The following DNAH1 variants were observed in gnomAD, a reference collection of about 807,000 sequenced individuals.
The protein encoded by DNAH1 is dynein axonemal heavy chain 1, also known as axonemal beta dynein heavy chain 1.
DNAH1 carries 327 observed loss-of-function variants against 484.3 expected under a neutral mutation model. That is an observed-to-expected ratio of 0.68 (90% confidence interval 0.62 to 0.74). The LOEUF (loss-of-function observed/expected upper bound fraction) is 0.74, where lower values mean the gene tolerates loss of function less well. Ranked by LOEUF, DNAH1 falls within the 30% of genes least tolerant of loss-of-function variation. The pLI is 0.00. For synonymous variants in DNAH1, 2,192 were observed against 2,191.9 expected, an observed-to-expected ratio of 1.00 and a Z score of 0.00; for missense variants, 5,052 against 5,546.8, an observed-to-expected ratio of 0.91 and a Z score of 2.83.
At chr3:52,327,446 AG>A (rs1019312184) in intron 5 of DNAH1, among the ~76,000 whole-genome samples, 3 of 152,130 alleles carry the variant, frequency 2.0e-5, no homozygotes, top group Non-Finnish European at 4.4e-5. Context: ...AGTCTAGCTA[AG>A]GGCTACCTCC....
Position 52,347,966 on chromosome 3 carries a change from C to A in DNAH1, c.2098C>A (p.Leu700Met), listed in dbSNP as rs1702214976. 1 of 1,608,798 alleles carries A rather than the reference C, an allele frequency of 6.2e-7. No homozygotes were observed. Residue 700 changes from leucine to methionine, a missense_variant, in exon 12 of 78, where the codon CTG becomes ATG. Around this residue, in one of 4 missense-constraint regions of DNAH1, gnomAD observed 1,263 missense variants for 1,218.8 expected, o/e 1.04. Transcript: ENST00000420323. ...CCTGGCCACCCATGCCGTGCCCCAG[C>A]TGGAGAAGGTACGTGCTGCAGCCTG... The part of the protein sequence containing the change: ...GILATHAVPQ[L>M]EKLVMEDIFI...
chr3:52,366,676 C>A, intron 35 of DNAH1, 57 bp from the exon 36 acceptor site: 1 of 1,580,724 alleles, frequency 6.3e-7, no homozygotes, highest in South Asian at 1.2e-5. Context: ...CCTTGGCCCC[C>A]AGCCCACTCT....
Position 52,383,465 on chromosome 3 carries a change from A to G in DNAH1, c.8021A>G (p.Glu2674Gly). 6.2e-7 allele frequency: 1 copy of G among 1,614,046 alleles called. No homozygotes were observed. Among genetic ancestry groups the G allele is most frequent in the South Asian group, 1.1e-5 (1 of 91,084 alleles). The change falls in exon 51 of 78, where the codon GAG becomes GGG. Residue 2674 changes from glutamate (E) to glycine (G), a missense_variant. Physicochemically the swap from Glu to Gly is moderately conservative, Grantham distance 98. Transcript: ENST00000420323. ...GDIPNLYTADEQDQIVSTMRP... is the reference protein window; with the variant it reads ...GDIPNLYTADGQDQIVSTMRP... ...ATTCCCAATCTGTATACTGCGGACG[A>G]GCAGGACCAGATCGTCAGCACCATG...
At chr3:52,380,403 CCGGGGG>C (rs570772336) in intron 48 of DNAH1, among the ~76,000 whole-genome samples, 41 of 152,218 alleles carry the variant, frequency 2.7e-4, no homozygotes, top group Admixed American at 2.0e-3. Context: ...CCACAAGGGG[CCGGGGG>C]CGGGGCCTGG....
intron 53 of DNAH1, 93 bp from the exon 54 acceptor site, chr3:52,385,244 A>G (rs566887443): frequency 7.6e-7 from 1 of 1,323,150 alleles, no homozygotes; most frequent in East Asian, 2.5e-5. Context: ...TGCCGGCCAC[A>G]GCTTCTCTCT....
rs777943354 is a variant in DNAH1 at position 52,348,965 on chromosome 3, G to T, written c.2184G>T (p.Glu728Asp). 6.2e-7 allele frequency: 1 copy of T among 1,613,486 alleles called. No homozygotes were observed. Among genetic ancestry groups the T allele is most frequent in the Non-Finnish European group, 8.5e-7 (1 of 1,179,894 alleles). ...GCCTTCATGAGCCACTGGTGGAAGA[G>T]CTACGGGCCACCATTGCCAGTGCCG... ...SVGLHEPLVE[E>D]LRATIASAVS... Residue 728 changes from glutamate to aspartate, a missense_variant, in exon 13 of 78, where the codon GAG becomes GAT. Around this residue, in one of 4 missense-constraint regions of DNAH1, gnomAD observed 1,263 missense variants for 1,218.8 expected, o/e 1.04. Coordinates refer to ENST00000420323, the MANE Select transcript of DNAH1 (RefSeq NM_015512.5).
At chr3:52,326,055 G>A (rs1701325439) in intron 3 of DNAH1, 85 bp from the exon 4 acceptor site, 1 of 1,320,754 alleles carries the variant, frequency 7.6e-7, no homozygotes, top group South Asian at 1.7e-5. Flanking sequence ...ATACTACCTG[G>A]TTGGTAATTT....
At chr3:52,383,321 C>T (rs1486748590) in intron 50 of DNAH1, 65 bp from the exon 51 acceptor site, 10 of 1,437,606 alleles carry the variant, frequency 7.0e-6, no homozygotes, top group East Asian at 6.9e-5. Context: ...GAAGGTCCAG[C>T]GAGACTGTGG....
intron 50 of DNAH1, 142 bp downstream of exon 50, chr3:52,382,597 G>A (rs1703904722): frequency 7.2e-7 from 1 of 1,380,812 alleles, no homozygotes; most frequent in Non-Finnish European, 9.8e-7. Context: ...GGACCAGGTG[G>A]GGCCACAGAT....
chr3:52,385,065 C>A, intron 53 of DNAH1, 88 bp downstream of exon 53: 2 of 1,434,778 alleles, frequency 1.4e-6, no homozygotes, highest in Non-Finnish European at 1.9e-6. Flanking sequence ...ACACCATGCT[C>A]CGCCTTTCAA....
chr3:52,400,459 G>C lies in DNAH1; in HGVS notation c.*13G>C, dbSNP rs184794502. 487 of 1,613,942 alleles carry C rather than the reference G, an allele frequency of 3.0e-4. 1 individual carries two copies. The African/African-American group carries it at 5.9e-3, about 20-fold the overall frequency. On this transcript the variant is annotated 3_prime_UTR_variant, in exon 78 of 78. Coordinates refer to ENST00000420323, the MANE Select transcript of DNAH1 (RefSeq NM_015512.5). ...CCTGGACTACTAGACTCAGACAGAA[G>C]GGCTGGGGCCATTAAAGCTGAATTT...
intron 6 of DNAH1, among the ~76,000 whole-genome samples, chr3:52,329,420 A>G (rs570170231): frequency 6.6e-6 from 1 of 152,364 alleles, no homozygotes; most frequent in African/African-American, 2.4e-5. Flanking sequence ...GGTGAGCTAT[A>G]GACCTTGTTT....
In DNAH1 at chr3:52,368,649, G is replaced by A. The variant is rs993266045; in HGVS notation, c.5766-92G>A. The A allele has an allele frequency of 1.9e-5, 26 of 1,375,388 alleles. No homozygotes were observed. The Admixed American group carries it at 3.4e-4, about 18-fold the overall frequency. The allele number at this position is 1,375,388 out of a possible 1,614,324, so 85.2% of individuals were successfully genotyped here. A position where few individuals can be genotyped will look rare whatever the true frequency, so the allele number is the denominator to read the frequency against. On this transcript the variant is annotated intron_variant, in intron 36 of 77. Coordinates refer to ENST00000420323, the MANE Select transcript of DNAH1 (RefSeq NM_015512.5). The surrounding 1 kb of genome is among the most constrained non-coding windows in gnomAD (Gnocchi z 4.4). ...AAGAGATTGAAGGAAAGTAGAGCCC[G>A]CCCACCCGGCGGCCAGGCTTCCCTG...
intron 53 of DNAH1, 70 bp from the exon 54 acceptor site, chr3:52,385,267 C>T (rs376226473): frequency 1.8e-5 from 26 of 1,438,590 alleles, no homozygotes; most frequent in South Asian, 9.9e-5. Context: ...TGAATGAGGG[C>T]GGCCCAGCAG....
intron 20 of DNAH1, 75 bp from the exon 21 acceptor site, chr3:52,354,768 C>T (rs545556556): frequency 1.4e-6 from 2 of 1,481,016 alleles, no homozygotes; most frequent in African/African-American, 1.4e-5. Context: ...TCTGCTGCTT[C>T]CCTGGGCAGG....
At chr3:52,347,254 A>G (rs1207131546) in intron 11 of DNAH1, among the ~76,000 whole-genome samples, 13 of 151,572 alleles carry the variant, frequency 8.6e-5, no homozygotes, top group African/African-American at 2.4e-4. Context: ...AGAGATCAGC[A>G]TGGGCAGAGG....
Position 52,361,208 on chromosome 3 carries a change from G to A in DNAH1, c.4730G>A (p.Gly1577Asp). The A allele has an allele frequency of 6.2e-7, 1 of 1,612,274 alleles. No individual in the cohort carries two copies. The highest frequency in any genetic ancestry group is 8.5e-7 in the Non-Finnish European group (1 of 1,179,338). Residue 1577 changes from glycine to aspartate, a missense_variant, in exon 29 of 78, where the codon GGT becomes GAT. Physicochemically the swap from Gly to Asp is moderately conservative, Grantham distance 94 (BLOSUM62 -1). Transcript: ENST00000420323. The surrounding 1 kb of genome is among the most constrained non-coding windows in gnomAD (Gnocchi z 5.6). ...LTGALHLKFG[G>D]APAGPAGTGK... is the part of the protein sequence containing the mutation. Reference sequence around the variant, plus strand: ...GGAGCTCTGCACCTCAAGTTTGGGGGTGCCCCAGCTGGCCCAGCTGGCACA... The same window carrying A: ...GGAGCTCTGCACCTCAAGTTTGGGGATGCCCCAGCTGGCCCAGCTGGCACA...
intron 6 of DNAH1, among the ~76,000 whole-genome samples, chr3:52,330,726 CA>C (rs1701513365): frequency 6.6e-6 from 1 of 152,180 alleles, no homozygotes; most frequent in Non-Finnish European, 1.5e-5. Flanking sequence ...ACTGAGCAGC[CA>C]GGGGCAGCCT....
rs1172817575 is a variant in DNAH1 at position 52,386,292 on chromosome 3, C to T, written c.8758C>T (p.Leu2920=). The T allele has an allele frequency of 1.9e-6, 3 of 1,604,756 alleles. No homozygotes were observed. The highest frequency in any genetic ancestry group is 4.5e-5 in the East Asian group (2 of 44,308). ...QKDLDEALPA[L]DAALASLRNL... is the part of the protein sequence containing the mutation. ...GGACCTGGACGAGGCGTTGCCAGCC[C>T]TGGATGCGGCTCTGGCCAGCCTGCG... The change falls in exon 55 of 78, where the codon CTG becomes TTG. Residue 2920 remains leucine (L), a synonymous_variant. Coordinates refer to ENST00000420323, the MANE Select transcript of DNAH1 (RefSeq NM_015512.5).
Sources: gnomAD v4.1 joint callset for allele counts (sites outside exome capture counted in the v4.1 genomes callset) on GRCh38, gnomAD v4.1.1 for gene constraint, gnomAD v4.1.1 regional missense constraint, Gnocchi (gnomAD v3.1) non-coding constraint, MANE v1.5 for transcripts, NCBI Gene and HGNC (gene_info 2026-07-23, HGNC 2026-07-21) for gene names.